The following KLHL7 variants were observed in gnomAD, a reference collection of about 807,000 sequenced individuals.
KLHL7 encodes the protein kelch-like protein 7.
In KLHL7, 44 loss-of-function variants were observed where a neutral mutation model predicts 67.4. The ratio of observed to expected loss-of-function variants is 0.65; its 90% CI spans 0.51 to 0.84. The LOEUF is 0.84. KLHL7 is among the 40% of genes least tolerant of loss of function. KLHL7 has a pLI of 0.00. For synonymous variants in KLHL7, 252 were observed against 243.3 expected (o/e 1.04, Z -0.33); for missense variants, 362 against 718.1 (o/e 0.50, Z 5.67).
intron 1 of KLHL7, among the ~76,000 whole-genome samples, chr7:23,110,106 C>T (rs1479742686): frequency 6.6e-6 from 1 of 152,246 alleles, no homozygotes; most frequent in East Asian, 1.9e-4. Context: ...TTCCACTAGA[C>T]TATCAGTGCC....
At chr7:23,114,453 A>C (rs1301649791) in intron 1 of KLHL7, among the ~76,000 whole-genome samples, 2 of 152,194 alleles carry the variant, frequency 1.3e-5, no homozygotes, top group Non-Finnish European at 2.9e-5. Flanking sequence ...CCTTATATAA[A>C]CAACCTGAGT....
intron 1 of KLHL7, among the ~76,000 whole-genome samples, chr7:23,114,686 A>G (rs1353098175): frequency 6.6e-6 from 1 of 152,192 alleles, no homozygotes; most frequent in Non-Finnish European, 1.5e-5. Flanking sequence ...TCATCCGAAT[A>G]CCAGCTTAAG....
At chr7:23,114,620 C>A (rs962167040) in intron 1 of KLHL7, among the ~76,000 whole-genome samples, 1 of 152,126 alleles carries the variant, frequency 6.6e-6, no homozygotes. Context: ...ATGCTTTGTT[C>A]TATCTTAAAT....
intron 4 of KLHL7, among the ~76,000 whole-genome samples, chr7:23,130,904 A>G (rs1004735268): frequency 1.3e-5 from 2 of 152,254 alleles, no homozygotes; most frequent in South Asian, 2.1e-4. Context: ...TTCCCTTTGC[A>G]TAACAAACAC....
At chr7:23,153,672 C>T (rs1784609446) in intron 7 of KLHL7, among the ~76,000 whole-genome samples, 1 of 152,190 alleles carries the variant, frequency 6.6e-6, no homozygotes. Context: ...TTGGGGCATG[C>T]TCTGATTATA....
At chr7:23,152,015 G>C in intron 6 of KLHL7, 52 bp from the exon 7 acceptor site, 1 of 1,590,198 alleles carries the variant, frequency 6.3e-7, no homozygotes, top group African/African-American at 1.3e-5. Flanking sequence ...CGTTTTCAAA[G>C]CACTGGTTAG....
At chr7:23,152,312 G>A (rs1299774792) in intron 7 of KLHL7, 103 bp downstream of exon 7, 1 of 1,036,716 alleles carries the variant, frequency 9.6e-7, no homozygotes, top group Non-Finnish European at 1.5e-6. Flanking sequence ...CTTTAGAGAT[G>A]ATAGTTTATG....
intron 4 of KLHL7, among the ~76,000 whole-genome samples, chr7:23,139,104 A>T (rs889794510): frequency 2.6e-5 from 4 of 151,204 alleles, no homozygotes. Context: ...AAAAAAAAAA[A>T]CAAGAATACC....
Position 23,171,807 on chromosome 7 carries a change from T to G in KLHL7, c.1380-1141T>G, listed in dbSNP as rs1785171326. ...TCACTGCAAGCTCCGCCTCCTGGGTTCACGCCATTCTCCTGCCTCAGCCTC... is the reference window on the plus strand; with the variant it reads ...TCACTGCAAGCTCCGCCTCCTGGGTGCACGCCATTCTCCTGCCTCAGCCTC... On this transcript the variant is annotated intron_variant, in intron 9 of 10. Coordinates refer to ENST00000339077, the MANE Select transcript of KLHL7 (RefSeq NM_001031710.3). Among the ~76,000 whole-genome samples, 5 of 152,214 alleles carry G rather than the reference T, an allele frequency of 3.3e-5. No homozygotes were observed. The South Asian group carries it at 1.0e-3, about 32-fold the overall frequency.
At chr7:23,108,757 T>G (rs538921679) in intron 1 of KLHL7, among the ~76,000 whole-genome samples, 2 of 152,242 alleles carry the variant, frequency 1.3e-5, no homozygotes, top group South Asian at 4.1e-4. Flanking sequence ...AGTGGGTTTT[T>G]CCTGTGTTTG....
intron 1 of KLHL7, among the ~76,000 whole-genome samples, chr7:23,114,261 G>A (rs1423650086): frequency 6.6e-6 from 1 of 152,188 alleles, no homozygotes; most frequent in Non-Finnish European, 1.5e-5. Context: ...ACATACGACT[G>A]TGCAGCTTCC....
chr7:23,169,182 C>T (rs150923297), intron 9 of KLHL7, among the ~76,000 whole-genome samples: 4 of 152,148 alleles, frequency 2.6e-5, no homozygotes, highest in Middle Eastern at 3.4e-3. Context: ...TTGCTTGAAC[C>T]TGGGAGGCGG....
chr7:23,135,784 C>T (rs2128463136), intron 4 of KLHL7, among the ~76,000 whole-genome samples: 1 of 152,132 alleles, frequency 6.6e-6, no homozygotes, highest in Middle Eastern at 3.4e-3. Context: ...GGTCTTAAAA[C>T]AGTAAAAAAG....
At position 23,176,369 on chromosome 7, in the gene KLHL7, T is replaced by C. The variant is rs962168171; in HGVS notation, c.*2071T>C. The C allele has an allele frequency of 1.3e-5, 2 of 152,238 alleles. No individual in the cohort carries two copies. The highest frequency in any genetic ancestry group is 4.8e-5 in the African/African-American group (2 of 41,444). 9.4% of individuals were successfully genotyped at this position (152,238 alleles called of 1,614,324 possible). On this transcript the variant is annotated 3_prime_UTR_variant, in exon 11 of 11. Transcript: ENST00000339077. ...TCTGTCTTCGCATGGGCTTTTTCCC[T>C]GTGTGTCTCTGTATCTTCACATGGT...
chr7:23,175,147 C>T lies in KLHL7; in HGVS notation c.*849C>T. ...GGTAGTTGTACAATATCAGTGTTGA[C>T]TTTGAACTTCTTTAACGAGATCATG... On this transcript the variant is annotated 3_prime_UTR_variant, in exon 11 of 11. Transcript: ENST00000339077. 1 of 454,074 alleles carries T rather than the reference C, an allele frequency of 2.2e-6. No homozygotes were observed. Among genetic ancestry groups the T allele is most frequent in the South Asian group, 1.6e-5 (1 of 64,478 alleles). The allele number at this position is 454,074 out of a possible 1,614,324, so 28.1% of individuals were successfully genotyped here.
chr7:23,116,312 G>C (rs1783086925), intron 1 of KLHL7, among the ~76,000 whole-genome samples: 1 of 152,158 alleles, frequency 6.6e-6, no homozygotes, highest in Admixed American at 6.5e-5. Flanking sequence ...GACCACTATG[G>C]CCCTTACAGC....
chr7:23,152,339 G>A (rs1784563068), intron 7 of KLHL7, 130 bp downstream of exon 7: 1 of 820,996 alleles, frequency 1.2e-6, no homozygotes, highest in Non-Finnish European at 2.0e-6. Context: ...TTTCACATAT[G>A]TTATGAGATA....
intron 1 of KLHL7, among the ~76,000 whole-genome samples, chr7:23,115,579 T>A (rs529448538): frequency 3.9e-5 from 6 of 152,120 alleles, no homozygotes; most frequent in African/African-American, 1.4e-4. Context: ...AGTCTCGCTC[T>A]GTCGTCCAGG....
At chr7:23,165,181 T>C (rs1416253580) in intron 7 of KLHL7, among the ~76,000 whole-genome samples, 2 of 152,186 alleles carry the variant, frequency 1.3e-5, no homozygotes, top group Non-Finnish European at 2.9e-5. Context: ...GCTGACTACA[T>C]TGGCTCAACT....
Sources: gnomAD v4.1 joint callset for allele counts (sites outside exome capture counted in the v4.1 genomes callset) on GRCh38, gnomAD v4.1.1 for gene constraint, MANE v1.5 for transcripts, NCBI Gene and HGNC (gene_info 2026-07-23, HGNC 2026-07-21) for gene names.